Variants in ABR observed in about 807,000 individuals in gnomAD.
The protein encoded by ABR is active breakpoint cluster region-related protein.
ABR carries 35 observed loss-of-function variants against 107.2 expected under a neutral mutation model. That is an observed-to-expected ratio of 0.33 (90% CI 0.25 to 0.43). ABR has a LOEUF of 0.43. ABR is among the 20% of genes least tolerant of loss of function. The probability of loss-of-function intolerance (pLI) is 1.00; values close to 1 mark genes in which losing one functional copy is unlikely to be tolerated. For missense variants in ABR, 815 were observed against 1,115.2 expected (o/e 0.73, Z 3.83); for synonymous variants, 498 against 462.0 (o/e 1.08, Z -1.00).
At chr17:1,112,460 G>T (rs115140203) in intron 2 of ABR, among the ~76,000 whole-genome samples, 2,356 of 152,316 alleles carry the variant, frequency 0.015, 83 homozygotes, top group African/African-American at 0.053. Context: ...CAACCCGGTT[G>T]CAGTGGCGCA....
At chr17:1,035,973 G>C (rs1449647916) in intron 16 of ABR, among the ~76,000 whole-genome samples, 2 of 151,966 alleles carry the variant, frequency 1.3e-5, no homozygotes, top group African/African-American at 4.8e-5. Context: ...CGAGCGGGAG[G>C]GGCAAAGGCT....
chr17:1,160,536 T>C (rs2041247729), intron 1 of ABR, among the ~76,000 whole-genome samples: 1 of 152,216 alleles, frequency 6.6e-6, no homozygotes, highest in Non-Finnish European at 1.5e-5. Context: ...TCATTTTTCA[T>C]TCATTCATTC....
intron 1 of ABR, among the ~76,000 whole-genome samples, chr17:1,178,233 AC>A (rs546582729): frequency 5.7e-5 from 8 of 141,552 alleles, no homozygotes; most frequent in African/African-American, 1.0e-4. Context: ...TACTCCCCCC[AC>A]CCCCCCCATA....
In ABR at chr17:1,084,409, G is replaced by C. The variant is rs2036461166; in HGVS notation, c.532-782C>G. ...AAACAAAACAACAAATGAAGATGCTGTCTTTCCATTTCCCTTGGCCTTGAG... is the reference window on the plus strand; with the variant it reads ...AAACAAAACAACAAATGAAGATGCTCTCTTTCCATTTCCCTTGGCCTTGAG... On this transcript the variant is annotated intron_variant, in intron 4 of 22. Transcript: ENST00000302538. This position sits in a 1 kb window ranked among gnomAD's most constrained non-coding sequence, Gnocchi z 4.2. 6.6e-6 allele frequency among the ~76,000 whole-genome samples: 1 copy of C among 152,150 alleles called. No homozygotes were observed. Among genetic ancestry groups the C allele is most frequent in the Admixed American group, 6.6e-5 (1 of 15,264 alleles).
At chr17:1,153,299 C>T (rs1316505218) in intron 1 of ABR, among the ~76,000 whole-genome samples, 3 of 152,200 alleles carry the variant, frequency 2.0e-5, no homozygotes, top group Admixed American at 6.5e-5. Flanking sequence ...CTCAGTCATA[C>T]CCCCCAGCCT....
chr17:1,212,226 C>G (rs1337354056), intron 1 of ABR, among the ~76,000 whole-genome samples: 2 of 148,466 alleles, frequency 1.3e-5, no homozygotes, highest in Non-Finnish European at 3.0e-5. Flanking sequence ...TCTGGGAGTT[C>G]GAGACCAGCC....
At chr17:1,077,910 G>A (rs1026836116) in intron 6 of ABR, among the ~76,000 whole-genome samples, 9 of 152,184 alleles carry the variant, frequency 5.9e-5, no homozygotes, top group African/African-American at 1.9e-4. Context: ...GGCAGGCAGG[G>A]CACCCCTTGG....
chr17:1,087,814 G>C (rs1377178382), intron 4 of ABR, among the ~76,000 whole-genome samples: 1 of 152,208 alleles, frequency 6.6e-6, no homozygotes, highest in Non-Finnish European at 1.5e-5. Flanking sequence ...GCCAGGGGCA[G>C]GAGCCAGCCG....
At chr17:1,129,871 C>T (rs146094383) in intron 1 of ABR, among the ~76,000 whole-genome samples, 16 of 152,200 alleles carry the variant, frequency 1.1e-4, no homozygotes, top group African/African-American at 3.4e-4. Flanking sequence ...TGCTTGAACC[C>T]GGGAGGTGGG....
chr17:1,168,803 G>A (rs200062839), intron 1 of ABR, among the ~76,000 whole-genome samples: 6 of 152,314 alleles, frequency 3.9e-5, no homozygotes, highest in South Asian at 2.1e-4. Context: ...GCCAATGTGC[G>A]TTCCATCCTT....
Position 1,056,981 on chromosome 17 carries a change from C to T in ABR, c.1486+17G>A. The T allele has an allele frequency of 6.3e-7, 1 of 1,585,256 alleles. No homozygotes were observed. Among genetic ancestry groups the T allele is most frequent in the Non-Finnish European group, 8.7e-7 (1 of 1,155,650 alleles). Reference sequence around the variant, plus strand: ...CTGGGACCTGCCGGTTGGGCCACCTCTGGTTCCCGAGCTTACCGTCTTTAT... The same window carrying T: ...CTGGGACCTGCCGGTTGGGCCACCTTTGGTTCCCGAGCTTACCGTCTTTAT... On this transcript the variant is annotated intron_variant, in intron 13 of 22. Coordinates refer to ENST00000302538, the MANE Select transcript of ABR (RefSeq NM_021962.5).
In ABR at chr17:1,008,073, C is replaced by T. The variant is rs546560598; in HGVS notation, c.2343-761G>A. Among the ~76,000 whole-genome samples the T allele has an allele frequency of 2.0e-5, 3 of 151,250 alleles. No homozygotes were observed. In the East Asian group the frequency reaches 6.0e-4, roughly 30 times the overall value. On this transcript the variant is annotated intron_variant, in intron 21 of 22. Transcript: ENST00000302538. Reference sequence around the variant, plus strand: ...AGGGTCTGCCTCATGGGACCCAGGGCTGCCTCCTATGCCTCTCCGTCTGCC... The same window carrying T: ...AGGGTCTGCCTCATGGGACCCAGGGTTGCCTCCTATGCCTCTCCGTCTGCC...
At chr17:1,049,521 C>T (rs189062019) in intron 16 of ABR, among the ~76,000 whole-genome samples, 38 of 152,258 alleles carry the variant, frequency 2.5e-4, no homozygotes, top group Middle Eastern at 3.4e-3. Flanking sequence ...AGTCCCCACC[C>T]GAAGCCACAG....
upstream of ABR, among the ~76,000 whole-genome samples, chr17:1,189,350 C>CT (rs202096936): frequency 0.58 from 80,118 of 137,650 alleles, 25,410 homozygotes; most frequent in Middle Eastern, 0.76. Flanking sequence ...CTATGGCTTC[C>CT]TTTTTTTTTT....
intron 1 of ABR, among the ~76,000 whole-genome samples, chr17:1,159,696 C>T (rs72631497): frequency 0.78 from 51,799 of 66,292 alleles, 19,771 homozygotes; most frequent in East Asian, 0.81. Flanking sequence ...ACAGGAGAAG[C>T]AGGAATGCGG....
intron 13 of ABR, 51 bp from the exon 14 acceptor site, chr17:1,056,160 A>G (rs763026103): frequency 2.0e-6 from 3 of 1,527,810 alleles, no homozygotes; most frequent in Non-Finnish European, 2.7e-6. Context: ...GGATCCCCTC[A>G]GCCTCCACCC....
chr17:1,096,511 T>A lies in ABR; in HGVS notation c.345+4126A>T, dbSNP rs183031220. Among the ~76,000 whole-genome samples, 15 of 152,148 alleles carry A rather than the reference T, an allele frequency of 9.9e-5. No homozygotes were observed. In the East Asian group the frequency reaches 2.5e-3, roughly 26 times the overall value. ...AGGGAGGAGAGGAGGAAGGGTGTGA[T>A]TCTTTCACTCTGAGGTTTTCTTCTG... is the stretch of plus-strand genomic sequence containing the variant. On this transcript the variant is annotated intron_variant, in intron 3 of 22. Transcript: ENST00000302538.
In ABR at chr17:1,054,275, G is replaced by A. The variant is rs796865646; in HGVS notation, c.1561+1760C>T. Among the ~76,000 whole-genome samples, 6 of 152,326 alleles carry A rather than the reference G, an allele frequency of 3.9e-5. 2 individuals carry two copies. Among genetic ancestry groups the A allele is most frequent in the African/African-American group, 1.4e-4 (6 of 41,580 alleles). On this transcript the variant is annotated intron_variant, in intron 14 of 22. Coordinates refer to ENST00000302538, the MANE Select transcript of ABR (RefSeq NM_021962.5). ...GCCAGCCATGTTCTCACCTTCTCCA[G>A]GTGCACGGTAGGTGCTGTGTAAATT...
chr17:1,110,747 G>T (rs1307335049), intron 2 of ABR, among the ~76,000 whole-genome samples: 2 of 152,198 alleles, frequency 1.3e-5, no homozygotes, highest in South Asian at 2.1e-4. Flanking sequence ...GCAGGGGATT[G>T]CGGGGTGAGC....
Sources: allele counts gnomAD v4.1 joint callset (sites outside exome capture counted in the v4.1 genomes callset), GRCh38; gene constraint gnomAD v4.1.1; non-coding constraint Gnocchi (gnomAD v3.1); transcripts MANE v1.5; gene names NCBI Gene and HGNC (gene_info 2026-07-23, HGNC 2026-07-21).